The following OSTN variants were observed in gnomAD, a reference collection of about 807,000 sequenced individuals.
OSTN encodes osteocrin.
OSTN carries 9 observed loss-of-function variants against 12.0 expected under a neutral mutation model. That is an observed-to-expected ratio of 0.75 (90% CI 0.45 to 1.30). The LOEUF (loss-of-function observed/expected upper bound fraction) is 1.30. OSTN is among the 50% of genes most tolerant of loss of function. The probability of loss-of-function intolerance (pLI) is 0.00; values close to 1 mark genes in which losing one functional copy is unlikely to be tolerated. For synonymous variants in OSTN, 59 were observed against 56.9 expected (o/e 1.04, Z -0.16); for missense variants, 148 against 152.3 (o/e 0.97, Z 0.15).
At chr3:191,256,160 T>A (rs1283294386) in intron 4 of OSTN, among the ~76,000 whole-genome samples, 1 of 152,098 alleles carries the variant, frequency 6.6e-6, no homozygotes, top group Non-Finnish European at 1.5e-5. Flanking sequence ...ATAATAATTA[T>A]AATTAAATAC....
intron 1 of OSTN, among the ~76,000 whole-genome samples, chr3:191,211,671 T>C (rs942820845): frequency 2.0e-5 from 3 of 152,180 alleles, no homozygotes; most frequent in African/African-American, 7.2e-5. Flanking sequence ...GGACCAACTT[T>C]TTGCCAATCT....
chr3:191,239,347 C>T (rs951775768), intron 3 of OSTN, among the ~76,000 whole-genome samples: 2 of 152,212 alleles, frequency 1.3e-5, no homozygotes, highest in Non-Finnish European at 2.9e-5. Context: ...AAGTCACATA[C>T]TGGGCATGCG....
chr3:191,241,143 A>C (rs1715307396), intron 3 of OSTN, among the ~76,000 whole-genome samples: 1 of 141,284 alleles, frequency 7.1e-6, no homozygotes, highest in South Asian at 2.4e-4. Context: ...TAGAACTCAA[A>C]GTTGGTGGAG....
At chr3:191,260,717 T>G (rs1013964348) in intron 4 of OSTN, among the ~76,000 whole-genome samples, 1 of 152,030 alleles carries the variant, frequency 6.6e-6, no homozygotes, top group Non-Finnish European at 1.5e-5. Flanking sequence ...GCCCTTCGGG[T>G]GATGGAGACC....
At chr3:191,247,637 C>A (rs1715464021) in intron 3 of OSTN, among the ~76,000 whole-genome samples, 1 of 152,106 alleles carries the variant, frequency 6.6e-6, no homozygotes, top group Admixed American at 6.5e-5. Context: ...AGTATAAACA[C>A]CGTATCAGGT....
intron 1 of OSTN, among the ~76,000 whole-genome samples, chr3:191,200,508 T>C (rs1714128235): frequency 6.6e-6 from 1 of 152,154 alleles, no homozygotes; most frequent in Admixed American, 6.5e-5. Flanking sequence ...TTAGATTAAT[T>C]GAACTTGTCT....
At chr3:191,219,062 T>G (rs1036477873) in intron 3 of OSTN, 101 bp downstream of exon 3, 3 of 1,047,252 alleles carry the variant, frequency 2.9e-6, no homozygotes, top group Middle Eastern at 3.1e-4. Flanking sequence ...GAAAACCTTG[T>G]ATATATAAAC....
chr3:191,218,722 G>A (rs202216550), intron 2 of OSTN, 25 bp from the exon 3 acceptor site: 93 of 1,591,522 alleles, frequency 5.8e-5, no homozygotes, highest in African/African-American at 1.3e-4. Flanking sequence ...CTAAATTAAC[G>A]GAATCGCCTT....
intron 4 of OSTN, among the ~76,000 whole-genome samples, chr3:191,256,387 AAG>A (rs1387640576): frequency 6.6e-6 from 1 of 152,180 alleles, no homozygotes; most frequent in Admixed American, 6.5e-5. Context: ...TGAGGTAAAA[AAG>A]ACTGAATTTA....
intron 1 of OSTN, among the ~76,000 whole-genome samples, chr3:191,202,960 T>C (rs1714184060): frequency 6.6e-6 from 1 of 152,242 alleles, no homozygotes; most frequent in Admixed American, 6.5e-5. Flanking sequence ...GATTAATGTA[T>C]GAAAAGGAGA....
intron 4 of OSTN, among the ~76,000 whole-genome samples, chr3:191,253,231 G>C (rs1481861532): frequency 6.6e-6 from 1 of 152,168 alleles, no homozygotes; most frequent in Admixed American, 6.5e-5. Flanking sequence ...TTTTGGAGCA[G>C]GTTTATTTGT....
intron 4 of OSTN, among the ~76,000 whole-genome samples, chr3:191,255,369 C>T (rs1054372329): frequency 6.6e-6 from 1 of 152,170 alleles, no homozygotes; most frequent in Admixed American, 6.5e-5. Context: ...TCAGGAACTT[C>T]GTAAAGAAAC....
intron 3 of OSTN, among the ~76,000 whole-genome samples, chr3:191,235,260 G>A (rs745485699): frequency 2.6e-5 from 4 of 152,060 alleles, no homozygotes; most frequent in Non-Finnish European, 5.9e-5. Flanking sequence ...CCATATAACA[G>A]TAATTCAAAT....
intron 4 of OSTN, among the ~76,000 whole-genome samples, chr3:191,251,667 T>C (rs939646758): frequency 2.0e-5 from 3 of 152,350 alleles, no homozygotes; most frequent in African/African-American, 7.2e-5. Flanking sequence ...AATGAACCTC[T>C]GCAGTTAATG....
At chr3:191,239,204 A>G (rs1052918340) in intron 3 of OSTN, among the ~76,000 whole-genome samples, 1 of 152,250 alleles carries the variant, frequency 6.6e-6, no homozygotes, top group Non-Finnish European at 1.5e-5. Flanking sequence ...AGTACACTCC[A>G]TAGTGTGGGA....
At chr3:191,200,136 A>G (rs948903300) in intron 1 of OSTN, among the ~76,000 whole-genome samples, 5 of 152,152 alleles carry the variant, frequency 3.3e-5, no homozygotes, top group African/African-American at 1.2e-4. Flanking sequence ...TATATAAGTT[A>G]TAGAATTGAT....
At chr3:191,254,146 G>A (rs936990991) in intron 4 of OSTN, among the ~76,000 whole-genome samples, 2 of 152,174 alleles carry the variant, frequency 1.3e-5, no homozygotes, top group African/African-American at 4.8e-5. Flanking sequence ...GTTGGACTAG[G>A]CCTCTATATG....
At chr3:191,237,116 G>T (rs1023959984) in intron 3 of OSTN, among the ~76,000 whole-genome samples, 3 of 152,140 alleles carry the variant, frequency 2.0e-5, no homozygotes, top group Admixed American at 2.0e-4. Flanking sequence ...TGACATTCTT[G>T]TGAGGCTCTG....
intron 3 of OSTN, among the ~76,000 whole-genome samples, chr3:191,240,481 T>G (rs1209631448): frequency 4.6e-5 from 7 of 152,252 alleles, no homozygotes; most frequent in Non-Finnish European, 1.0e-4. Flanking sequence ...TCACGGAATC[T>G]CAGAGCACTG....
Sources: allele counts gnomAD v4.1 joint callset (sites outside exome capture counted in the v4.1 genomes callset), GRCh38; gene constraint gnomAD v4.1.1; transcripts MANE v1.5; gene names NCBI Gene and HGNC (gene_info 2026-07-23, HGNC 2026-07-21).